SRGAP2: variants seen among roughly 807,000 people sequenced by gnomAD.
SRGAP2 encodes SLIT-ROBO Rho GTPase-activating protein 2.
SRGAP2 carries 15 observed loss-of-function variants against 57.2 expected under a neutral mutation model. The observed-to-expected ratio is 0.26, with a 90% CI of 0.18 to 0.40. The LOEUF (loss-of-function observed/expected upper bound fraction) is 0.40. Ranked by LOEUF, SRGAP2 falls within the 10% of genes least tolerant of loss-of-function variation. SRGAP2 has a pLI of 1.00. For synonymous variants in SRGAP2, 249 were observed against 248.0 expected (o/e 1.00, Z -0.04); for missense variants, 520 against 669.6 (o/e 0.78, Z 2.47).
At chr1:206,460,145 G>A (rs950992032) in intron 22 of SRGAP2, among the ~76,000 whole-genome samples, 3 of 152,178 alleles carry the variant, frequency 2.0e-5, no homozygotes, top group African/African-American at 7.2e-5. Context: ...AAAGGCCTTC[G>A]CTTGGAATGT....
intron 11 of SRGAP2, 35 bp downstream of exon 11, chr1:206,416,008 G>T (rs1553361802): frequency 1.2e-5 from 9 of 768,764 alleles, no homozygotes; most frequent in East Asian, 7.3e-5. Flanking sequence ...AGGCTTGACA[G>T]TGAGGCCAGC....
intron 2 of SRGAP2, among the ~76,000 whole-genome samples, chr1:206,263,587 G>A (rs1384600325): frequency 2.0e-5 from 3 of 151,476 alleles, no homozygotes; most frequent in African/African-American, 7.3e-5. Flanking sequence ...GTGAGGTTAA[G>A]CCACTGAAAT....
chr1:206,414,788 AATATCTT>A (rs1268930027), intron 10 of SRGAP2, among the ~76,000 whole-genome samples: 1 of 152,250 alleles, frequency 6.6e-6, no homozygotes, highest in Non-Finnish European at 1.5e-5. Context: ...ATAAGGAAAT[AATATCTT>A]CCCTATGTGC....
At chr1:206,396,089 TCTC>T (rs1657559585) in intron 7 of SRGAP2, among the ~76,000 whole-genome samples, 1 of 148,712 alleles carries the variant, frequency 6.7e-6, no homozygotes, top group Admixed American at 6.7e-5. Flanking sequence ...TTCACGCCAT[TCTC>T]CTGCCTCAGC....
chr1:206,359,776 A>G (rs1164097188), intron 4 of SRGAP2, among the ~76,000 whole-genome samples: 46 of 135,044 alleles, frequency 3.4e-4, no homozygotes, highest in Non-Finnish European at 6.1e-4. Flanking sequence ...GGCAAAGAGG[A>G]TGGGGTACAA....
chr1:206,459,397 A>G (rs1572211712), intron 22 of SRGAP2, among the ~76,000 whole-genome samples: 2 of 148,160 alleles, frequency 1.3e-5, no homozygotes, highest in Admixed American at 6.6e-5. Flanking sequence ...GAATGGGTAG[A>G]TGATCAATTA....
intron 3 of SRGAP2, among the ~76,000 whole-genome samples, chr1:206,331,656 G>C (rs1674366555): frequency 9.2e-6 from 1 of 108,518 alleles, no homozygotes; most frequent in Non-Finnish European, 1.8e-5. Context: ...TTTTCCATTT[G>C]CTTGGTAGAT....
chr1:206,268,051 G>T (rs1553315077), intron 2 of SRGAP2, among the ~76,000 whole-genome samples: 1 of 147,050 alleles, frequency 6.8e-6, no homozygotes. Context: ...TAACAAAAGG[G>T]CTTATGATGA....
In SRGAP2 at chr1:206,455,029, G is replaced by A. The variant is rs782460050; in HGVS notation, c.2507+5G>A. On this transcript the variant is annotated splice_donor_5th_base_variant and intron_variant, in intron 21 of 22. Coordinates refer to ENST00000573034, the MANE Select transcript of SRGAP2 (RefSeq NM_015326.5). ...TTATCTTGCAAACATCAACAAGTAA[G>A]CTCTGCTTTTCATTTTCTGCTCCCC... 1.3e-6 allele frequency: 1 copy of A among 780,864 alleles called. No individual in the cohort carries two copies. The highest frequency in any genetic ancestry group is 2.4e-6 in the Non-Finnish European group (1 of 417,990). The allele number at this position is 780,864 out of a possible 1,614,324, so 48.4% of individuals were successfully genotyped here.
At chr1:206,451,713 C>T (rs1357256513) in intron 19 of SRGAP2, among the ~76,000 whole-genome samples, 8 of 152,164 alleles carry the variant, frequency 5.3e-5, no homozygotes, top group Non-Finnish European at 2.9e-5. Flanking sequence ...GCCAGCTCTG[C>T]TAGAGGCTTT....
chr1:206,363,149 G>A (rs1202225535), intron 4 of SRGAP2, among the ~76,000 whole-genome samples: 2 of 152,014 alleles, frequency 1.3e-5, no homozygotes, highest in African/African-American at 4.8e-5. Context: ...GGAACTACAG[G>A]TGGTGTGGGT....
intron 19 of SRGAP2, among the ~76,000 whole-genome samples, chr1:206,452,967 T>G (rs1415987065): frequency 2.0e-5 from 3 of 150,764 alleles, no homozygotes; most frequent in Non-Finnish European, 2.9e-5. Context: ...GAGAAGAAGA[T>G]TCCTGGTGGA....
chr1:206,459,713 C>A (rs1309623904), intron 22 of SRGAP2, among the ~76,000 whole-genome samples: 1 of 152,210 alleles, frequency 6.6e-6, no homozygotes. Context: ...GCCTTCTTAT[C>A]TCAACTGAGT....
chr1:206,444,914 G>A (rs2103354194), intron 17 of SRGAP2, among the ~76,000 whole-genome samples: 1 of 152,234 alleles, frequency 6.6e-6, no homozygotes, highest in South Asian at 2.1e-4. Flanking sequence ...TTCAAGTCCT[G>A]CAGTGATTCG....
chr1:206,425,814 C>T (rs747126075), intron 13 of SRGAP2, among the ~76,000 whole-genome samples: 2 of 150,856 alleles, frequency 1.3e-5, no homozygotes, highest in South Asian at 2.1e-4. Context: ...GGATTACAGG[C>T]GTGAGCCACT....
intron 2 of SRGAP2, among the ~76,000 whole-genome samples, chr1:206,266,523 A>AT (rs1669859076): frequency 6.6e-6 from 1 of 152,198 alleles, no homozygotes; most frequent in Non-Finnish European, 1.5e-5. Flanking sequence ...GATTACAGGC[A>AT]TGAGCCACCA....
chr1:206,404,742 C>G (rs1317599717), intron 8 of SRGAP2, among the ~76,000 whole-genome samples: 1 of 152,244 alleles, frequency 6.6e-6, no homozygotes, highest in Admixed American at 6.5e-5. Context: ...GAACTTGTTC[C>G]TGGCTTCACG....
At chr1:206,347,326 G>A (rs1286242509) in intron 4 of SRGAP2, among the ~76,000 whole-genome samples, 6 of 151,540 alleles carry the variant, frequency 4.0e-5, no homozygotes, top group South Asian at 4.2e-4. Context: ...GCCTGTAATC[G>A]CAGCGCTTTG....
chr1:206,258,876 G>T (rs1669371729), intron 2 of SRGAP2, among the ~76,000 whole-genome samples: 1 of 146,110 alleles, frequency 6.8e-6, no homozygotes, highest in Non-Finnish European at 1.5e-5. Context: ...TTAATCTTTG[G>T]ACATGAGACT....
Sources: allele counts gnomAD v4.1 joint callset (sites outside exome capture counted in the v4.1 genomes callset), GRCh38; gene constraint gnomAD v4.1.1; transcripts MANE v1.5; gene names NCBI Gene and HGNC (gene_info 2026-07-23, HGNC 2026-07-21).